Variants in C2CD3 observed in about 807,000 individuals in gnomAD.
C2CD3 encodes the protein C2 domain containing 3 centriole elongation regulator, also known as C2 domain-containing protein 3.
Under a neutral mutation model 234.0 loss-of-function variants are expected in C2CD3, and 148 were observed. The observed-to-expected ratio is 0.63, with a 90% CI of 0.55 to 0.72. C2CD3 has a LOEUF of 0.72. C2CD3 is among the 30% of genes least tolerant of loss of function. The pLI is 0.00. For synonymous variants in C2CD3, 1,000 were observed against 1,035.4 expected, an observed-to-expected ratio of 0.97 and a Z score of 0.66; for missense variants, 2,577 against 2,811.5, an observed-to-expected ratio of 0.92 and a Z score of 1.89.
At chr11:74,074,230 C>T in intron 24 of C2CD3, 23 bp downstream of exon 24, 1 of 1,546,940 alleles carries the variant, frequency 6.5e-7, no homozygotes, top group Admixed American at 1.7e-5. Flanking sequence ...AGACATGCTC[C>T]TGGGTAGGTG....
intron 5 of C2CD3, 93 bp from the exon 6 acceptor site, chr11:74,133,650 T>C: frequency 7.6e-7 from 1 of 1,308,986 alleles, no homozygotes; most frequent in Non-Finnish European, 1.1e-6. Flanking sequence ...GAGGACTCAC[T>C]AGTGTGTACT....
At chr11:74,163,617 C>G (rs1418996205) in intron 2 of C2CD3, among the ~76,000 whole-genome samples, 1 of 152,164 alleles carries the variant, frequency 6.6e-6, no homozygotes, top group African/African-American at 2.4e-5. Context: ...TCTCCTGCTG[C>G]CATGTGAAGG....
At chr11:74,017,307 G>A (rs996973158) in intron 32 of C2CD3, among the ~76,000 whole-genome samples, 8 of 152,164 alleles carry the variant, frequency 5.3e-5, no homozygotes, top group Admixed American at 6.5e-5. Context: ...CCTGTGGACC[G>A]GGTGTCAAGC....
At chr11:74,079,400 T>G (rs945202621) in intron 22 of C2CD3, among the ~76,000 whole-genome samples, 7 of 151,862 alleles carry the variant, frequency 4.6e-5, no homozygotes, top group Non-Finnish European at 1.0e-4. Context: ...GTTTGTTTGT[T>G]TTTTTTTGTA....
chr11:74,142,954 A>T (rs532580121), intron 3 of C2CD3, among the ~76,000 whole-genome samples: 4 of 152,284 alleles, frequency 2.6e-5, no homozygotes, highest in Admixed American at 1.3e-4. Flanking sequence ...CTTTAATGAA[A>T]CATTTTTTTC....
At chr11:74,045,144 C>T (rs1095427) in intron 28 of C2CD3, among the ~76,000 whole-genome samples, 22,212 of 152,040 alleles carry the variant, frequency 0.15, 4,631 homozygotes, top group African/African-American at 0.47. Flanking sequence ...CATGTGGATA[C>T]CTAGTTGTTC....
chr11:74,080,552 A>G (rs1955301537), intron 22 of C2CD3, among the ~76,000 whole-genome samples: 1 of 152,224 alleles, frequency 6.6e-6, no homozygotes, highest in Non-Finnish European at 1.5e-5. Flanking sequence ...TGCACAGATT[A>G]TTAGATGGTT....
chr11:74,160,165 C>G (rs1856358295), intron 3 of C2CD3, among the ~76,000 whole-genome samples: 1 of 152,134 alleles, frequency 6.6e-6, no homozygotes, highest in African/African-American at 2.4e-5. Context: ...TGTGTCAGTA[C>G]ACTGACGTTC....
intron 32 of C2CD3, among the ~76,000 whole-genome samples, chr11:74,025,803 C>A (rs1392987119): frequency 6.6e-6 from 1 of 152,082 alleles, no homozygotes; most frequent in African/African-American, 2.4e-5. Context: ...GAATTATTAG[C>A]CTGACATTAC....
intron 31 of C2CD3, 95 bp from the exon 32 acceptor site, chr11:74,028,493 CA>C (rs1952396499): frequency 5.4e-6 from 4 of 738,616 alleles, no homozygotes; most frequent in Non-Finnish European, 8.7e-6. Context: ...TGCCCCCACT[CA>C]TGTTTTTCCC....
intron 10 of C2CD3, 91 bp downstream of exon 10, chr11:74,114,293 C>T (rs1449580580): frequency 1.2e-6 from 1 of 861,806 alleles, no homozygotes; most frequent in Non-Finnish European, 1.9e-6. Flanking sequence ...AAAACACATC[C>T]CAAATCACAG....
chr11:74,150,514 AACAAAAAAAAAACAAAAC>A (rs1565348162), intron 3 of C2CD3, among the ~76,000 whole-genome samples: 4 of 67,524 alleles, frequency 5.9e-5, no homozygotes, highest in African/African-American at 2.8e-4. Flanking sequence ...AAAAAAAAAA[AACAAAAAAAAAACAAAAC>A]AAATTTCTAA....
At chr11:74,094,205 T>G (rs1407604245) in intron 17 of C2CD3, among the ~76,000 whole-genome samples, 2 of 151,546 alleles carry the variant, frequency 1.3e-5, no homozygotes, top group Admixed American at 6.6e-5. Context: ...TTAGGTTTTT[T>G]TTTTTTTTTT....
rs760983950 is a variant in C2CD3, at chr11:74,093,851, C to T, written c.3309G>A (p.Val1103=). 37 of 1,614,024 alleles carry T rather than the reference C, an allele frequency of 2.3e-5. No homozygotes were observed. The highest frequency in any genetic ancestry group is 3.1e-5 in the Non-Finnish European group (36 of 1,179,940). The change falls in exon 18 of 33, where the codon GTG becomes GTA. Residue 1103 remains valine, a synonymous_variant. Transcript: ENST00000334126. ...LLSAFSAQGL[V]PGGGVQFEIW... is the part of the protein sequence containing the mutation. The stretch of plus-strand genomic sequence containing the variant: ...TTTCAAACTGGACTCCACCTCCAGG[C>T]ACGAGGCCCTGTGCAGAGAAAGCAC...
chr11:74,081,906 T>C (rs1173702838), intron 22 of C2CD3, among the ~76,000 whole-genome samples: 1 of 152,172 alleles, frequency 6.6e-6, no homozygotes, highest in Non-Finnish European at 1.5e-5. Context: ...GTTTTTTTTC[T>C]AAATATATAA....
chr11:74,077,847 T>G (rs1726734), intron 23 of C2CD3, among the ~76,000 whole-genome samples: 4 of 33,640 alleles, frequency 1.2e-4, no homozygotes, highest in African/African-American at 6.4e-4. Context: ...ATATATATAT[T>G]ATCTCTTTAG....
intron 3 of C2CD3, among the ~76,000 whole-genome samples, chr11:74,157,402 A>G (rs1377123003): frequency 6.6e-6 from 1 of 152,208 alleles, no homozygotes; most frequent in African/African-American, 2.4e-5. Context: ...AATTTATATC[A>G]TCAACAGAAA....
chr11:74,076,695 G>A (rs1297468445), intron 23 of C2CD3, among the ~76,000 whole-genome samples: 1 of 152,038 alleles, frequency 6.6e-6, no homozygotes, highest in East Asian at 1.9e-4. Context: ...AATTACTACA[G>A]TCCCCAAAAT....
chr11:74,131,528 C>T (rs745896748), intron 7 of C2CD3, among the ~76,000 whole-genome samples: 1 of 151,668 alleles, frequency 6.6e-6, no homozygotes, highest in Non-Finnish European at 1.5e-5. Context: ...TGTGTTGTTA[C>T]TTCCCTGTAA....
Sources: allele counts gnomAD v4.1 joint callset (sites outside exome capture counted in the v4.1 genomes callset), GRCh38; gene constraint gnomAD v4.1.1; transcripts MANE v1.5; gene names NCBI Gene and HGNC (gene_info 2026-07-23, HGNC 2026-07-21).